The following NRG1 variants were observed in gnomAD, a reference collection of about 807,000 sequenced individuals.
NRG1 encodes pro-neuregulin-1, membrane-bound isoform.
In NRG1, 18 loss-of-function variants were observed where a neutral mutation model predicts 63.8. The observed-to-expected ratio is 0.28, with a 90% CI of 0.19 to 0.42. The LOEUF is 0.42. Ranked by LOEUF, NRG1 falls within the 10% of genes least tolerant of loss-of-function variation. NRG1 has a pLI of 1.00. For synonymous variants in NRG1, 302 were observed against 301.3 expected, an observed-to-expected ratio of 1.00 and a Z score of -0.02; for missense variants, 762 against 814.7, an observed-to-expected ratio of 0.94 and a Z score of 0.79.
intron 1 of NRG1, among the ~76,000 whole-genome samples, chr8:32,254,651 G>T (rs1441305280): frequency 6.6e-6 from 1 of 152,192 alleles, no homozygotes; most frequent in East Asian, 1.9e-4. Context: ...TGTAAATTCT[G>T]TTGATTTGGG....
chr8:32,589,895 T>C (rs1842226335), intron 1 of NRG1, among the ~76,000 whole-genome samples: 1 of 152,204 alleles, frequency 6.6e-6, no homozygotes, highest in Admixed American at 6.5e-5. Context: ...TTAGAATAAA[T>C]GAACATGTTG....
Position 32,360,175 on chromosome 8 carries a change from G to A in NRG1, c.38-235653G>A, listed in dbSNP as rs570000973. Among the ~76,000 whole-genome samples, 19 of 152,236 alleles carry A rather than the reference G, an allele frequency of 1.2e-4. No individual in the cohort carries two copies. In the South Asian group the frequency reaches 3.9e-3, roughly 32 times the overall value. ...GAAATTAAATGATCAGAATCCCCAT[G>A]TTTCCAGGGGCCAAACCTGTAATAG... On this transcript the variant is annotated intron_variant, in intron 1 of 10. Transcript: ENST00000519301.
At chr8:32,563,210 C>G (rs910886062) in intron 1 of NRG1, among the ~76,000 whole-genome samples, 1 of 152,052 alleles carries the variant, frequency 6.6e-6, no homozygotes, top group Non-Finnish European at 1.5e-5. Context: ...CCAATGTGGC[C>G]CAGGGAAGCC....
intron 1 of NRG1, among the ~76,000 whole-genome samples, chr8:32,359,234 A>G (rs1168288051): frequency 6.6e-6 from 1 of 152,208 alleles, no homozygotes; most frequent in Non-Finnish European, 1.5e-5. Flanking sequence ...TTTTAATTAG[A>G]TAAGGAAAGC....
chr8:32,649,682 C>T (rs926387494), intron 5 of NRG1, among the ~76,000 whole-genome samples: 11 of 152,074 alleles, frequency 7.2e-5, no homozygotes, highest in African/African-American at 1.4e-4. Flanking sequence ...GATCATTTCA[C>T]GAACACCAGA....
In NRG1 at chr8:31,916,044, C is replaced by T. The variant is rs576911535; in HGVS notation, c.37+276613C>T. Among the ~76,000 whole-genome samples the T allele has an allele frequency of 5.1e-4, 77 of 152,102 alleles. 1 individual carries two copies. In the South Asian group the frequency reaches 0.014, roughly 28 times the overall value. On this transcript the variant is annotated intron_variant, in intron 1 of 10. Transcript: ENST00000519301. Reference sequence around the variant, plus strand: ...GGAGATGTCCAAGGAAACAGGAAGACGTTAATTGATGATACATTTTCTTCT... The same window carrying T: ...GGAGATGTCCAAGGAAACAGGAAGATGTTAATTGATGATACATTTTCTTCT...
chr8:32,522,424 T>C lies in NRG1; in HGVS notation c.38-73404T>C, dbSNP rs1014314225. Among the ~76,000 whole-genome samples the C allele has an allele frequency of 3.9e-5, 6 of 152,366 alleles. No homozygotes were observed. The South Asian group carries it at 6.2e-4, about 16-fold the overall frequency. On this transcript the variant is annotated intron_variant, in intron 1 of 10. Transcript: ENST00000519301. ...CACAATATTTACTTTCAGCAAATGA[T>C]GTAAATCACCCTTGAATGAAAAGAC...
intron 1 of NRG1, among the ~76,000 whole-genome samples, chr8:32,576,944 A>G (rs937433732): frequency 6.6e-6 from 1 of 152,054 alleles, no homozygotes; most frequent in Non-Finnish European, 1.5e-5. Flanking sequence ...AGTACCCAAT[A>G]GTTGGTTTTT....
At chr8:32,714,125 G>A (rs190668911) in intron 5 of NRG1, among the ~76,000 whole-genome samples, 7 of 152,136 alleles carry the variant, frequency 4.6e-5, no homozygotes, top group East Asian at 1.9e-4. Context: ...CCACCCAACC[G>A]AAAAGAAATA....
At chr8:31,760,577 T>C in intron 1 of NRG1, among the ~76,000 whole-genome samples, 1 of 152,006 alleles carries the variant, frequency 6.6e-6, no homozygotes, top group African/African-American at 2.4e-5. Context: ...ATATCCAGAA[T>C]CTACAATGAA....
rs1817310990 is a variant in NRG1, at chr8:32,425,985, G to A, written c.38-169843G>A. On this transcript the variant is annotated intron_variant, in intron 1 of 10. Transcript: ENST00000519301. ...ATGGATCATCCTGCCGCAGGTCCAA[G>A]TAAACAGGATTTGGCGCTCTACATA... Among the ~76,000 whole-genome samples the A allele has an allele frequency of 3.3e-5, 5 of 152,114 alleles. No homozygotes were observed. The South Asian group carries it at 8.3e-4, about 25-fold the overall frequency.
intron 1 of NRG1, among the ~76,000 whole-genome samples, chr8:32,097,802 A>C (rs1830077975): frequency 1.3e-5 from 2 of 152,226 alleles, no homozygotes; most frequent in South Asian, 4.1e-4. Flanking sequence ...GAGACAGCAA[A>C]TATTTGGGGA....
intron 1 of NRG1, among the ~76,000 whole-genome samples, chr8:31,943,959 T>G (rs2129621296): frequency 6.6e-6 from 1 of 152,350 alleles, no homozygotes; most frequent in South Asian, 2.1e-4. Context: ...TAAGATATTC[T>G]TATGACTATT....
chr8:31,811,039 C>G (rs1334673154), intron 1 of NRG1, among the ~76,000 whole-genome samples: 1 of 152,134 alleles, frequency 6.6e-6, no homozygotes, highest in Non-Finnish European at 1.5e-5. Flanking sequence ...TATGAGCCTC[C>G]CCGAGGCAGA....
intron 1 of NRG1, among the ~76,000 whole-genome samples, chr8:32,036,840 T>C (rs949713387): frequency 4.6e-5 from 7 of 152,352 alleles, no homozygotes; most frequent in Middle Eastern, 6.8e-3. Flanking sequence ...TGTAATATTT[T>C]ATCATGGTTC....
intron 1 of NRG1, among the ~76,000 whole-genome samples, chr8:31,851,372 A>C (rs1261914606): frequency 6.6e-6 from 1 of 152,184 alleles, no homozygotes; most frequent in Admixed American, 6.5e-5. Flanking sequence ...TAAAAGGATT[A>C]TGTGAAAATT....
intron 1 of NRG1, among the ~76,000 whole-genome samples, chr8:31,752,176 G>A (rs1016067142): frequency 1.6e-4 from 25 of 152,022 alleles, no homozygotes; most frequent in African/African-American, 5.8e-4. Context: ...AAATCAGGAA[G>A]ATGACTGTTT....
intron 1 of NRG1, among the ~76,000 whole-genome samples, chr8:31,892,015 G>A (rs1226057026): frequency 6.6e-6 from 1 of 152,102 alleles, no homozygotes; most frequent in Non-Finnish European, 1.5e-5. Context: ...AAGTGGTTGT[G>A]GCTATAAAAG....
intron 1 of NRG1, among the ~76,000 whole-genome samples, chr8:32,402,701 GC>G (rs1419638837): frequency 6.6e-6 from 1 of 152,190 alleles, no homozygotes; most frequent in African/African-American, 2.4e-5. Context: ...ATTTGGAGCT[GC>G]CAAAGAGAAG....
Sources: gnomAD v4.1 joint callset for allele counts (sites outside exome capture counted in the v4.1 genomes callset) on GRCh38, gnomAD v4.1.1 for gene constraint, MANE v1.5 for transcripts, NCBI Gene and HGNC (gene_info 2026-07-23, HGNC 2026-07-21) for gene names.